ENTPD1: variants seen among roughly 807,000 people sequenced by gnomAD.
ENTPD1 encodes ectonucleoside triphosphate diphosphohydrolase 1, also known as ATP diphosphohydrolase.
ENTPD1 carries 33 observed loss-of-function variants against 57.0 expected under a neutral mutation model. That is an observed-to-expected ratio of 0.58 (90% confidence interval 0.44 to 0.77). The LOEUF is 0.77. Among genes scored for constraint, ENTPD1 ranks in the 30% least tolerant of loss-of-function variants. The pLI is 0.00. For synonymous variants in ENTPD1, 202 were observed against 218.8 expected (o/e 0.92, Z 0.68); for missense variants, 501 against 603.4 (o/e 0.83, Z 1.78).
chr10:95,835,987 G>C (rs1440585870), intron 2 of ENTPD1, among the ~76,000 whole-genome samples: 1 of 152,098 alleles, frequency 6.6e-6, no homozygotes, highest in Non-Finnish European at 1.5e-5. Flanking sequence ...ATTCTACCTT[G>C]AGTTAATTTT....
At chr10:95,719,408 A>G (rs1039185440) in intron 1 of ENTPD1, among the ~76,000 whole-genome samples, 2 of 152,198 alleles carry the variant, frequency 1.3e-5, no homozygotes, top group South Asian at 2.1e-4. Context: ...ATTAGTGTAT[A>G]TAATAGCCTG....
upstream of ENTPD1, among the ~76,000 whole-genome samples, chr10:95,708,041 A>G (rs1325418744): frequency 6.6e-6 from 1 of 152,240 alleles, no homozygotes; most frequent in Admixed American, 6.5e-5. Flanking sequence ...CAACAATGAA[A>G]AAGTTTGATG....
At chr10:95,715,044 T>C (rs542216506) in intron 1 of ENTPD1, among the ~76,000 whole-genome samples, 24 of 152,348 alleles carry the variant, frequency 1.6e-4, no homozygotes, top group South Asian at 4.1e-4. Flanking sequence ...GGAAACATTA[T>C]AGTTTATAAA....
intron 1 of ENTPD1, among the ~76,000 whole-genome samples, chr10:95,728,940 AT>A (rs1191735910): frequency 6.6e-6 from 1 of 152,162 alleles, no homozygotes; most frequent in Non-Finnish European, 1.5e-5. Flanking sequence ...AGTTACATAT[AT>A]TTTATGTTAG....
chr10:95,766,398 A>C (rs1219179930), intron 1 of ENTPD1, among the ~76,000 whole-genome samples: 1 of 152,142 alleles, frequency 6.6e-6, no homozygotes, highest in Non-Finnish European at 1.5e-5. Flanking sequence ...TTTTAACCTC[A>C]ATTACGCTCA....
intron 7 of ENTPD1, among the ~76,000 whole-genome samples, chr10:95,856,806 TATC>T (rs985557752): frequency 1.3e-5 from 2 of 150,454 alleles, no homozygotes; most frequent in African/African-American, 4.9e-5. Context: ...ATTTGTCTAG[TATC>T]ATCATATTTA....
chr10:95,800,453 T>C (rs1192488421), intron 1 of ENTPD1, among the ~76,000 whole-genome samples: 1 of 152,140 alleles, frequency 6.6e-6, no homozygotes, highest in Non-Finnish European at 1.5e-5. Context: ...TTGATAAACA[T>C]CTTAACAGGA....
Position 95,868,491 on chromosome 10 carries a change from C to T in ENTPD1, c.*2108C>T. 19 of 985,410 alleles carry T rather than the reference C, an allele frequency of 1.9e-5. No individual in the cohort carries two copies. Among genetic ancestry groups the T allele is most frequent in the Non-Finnish European group, 2.3e-5 (19 of 829,938 alleles). 61.0% of individuals were successfully genotyped at this position (985,410 alleles called of 1,614,324 possible). ...GTTTGCTCACAGCATAGTAGATTGA[C>T]ATCAAATAGTGGCCGATGATGATGA... On this transcript the variant is annotated 3_prime_UTR_variant, in exon 10 of 10. Transcript: ENST00000371205.
intron 1 of ENTPD1, among the ~76,000 whole-genome samples, chr10:95,738,765 C>G (rs2097997236): frequency 6.6e-6 from 1 of 151,948 alleles, no homozygotes; most frequent in Admixed American, 6.6e-5. Context: ...TCACAACAGC[C>G]AAAGAAGATT....
chr10:95,772,100 C>G (rs1294286809), intron 1 of ENTPD1, among the ~76,000 whole-genome samples: 1 of 152,092 alleles, frequency 6.6e-6, no homozygotes, highest in East Asian at 1.9e-4. Flanking sequence ...TACTTTATTG[C>G]TAAAAAAATG....
rs1456989243 is a variant in ENTPD1, at chr10:95,791,999, T to C, written c.17-31238T>C. On this transcript the variant is annotated intron_variant, in intron 1 of 9. Transcript: ENST00000371205. The surrounding 1 kb of genome is among the most constrained non-coding windows in gnomAD (Gnocchi z 4.1). ...AACTCAGGGGAGTAAAGAGAATTGC[T>C]TAAGAGAGACTAAAAGTGCCAGAGT... Among the ~76,000 whole-genome samples the C allele has an allele frequency of 6.6e-6, 1 of 151,996 alleles. No individual in the cohort carries two copies. Among genetic ancestry groups the C allele is most frequent in the East Asian group, 1.9e-4 (1 of 5,186 alleles).
chr10:95,803,890 G>A (rs2098261294), intron 1 of ENTPD1, among the ~76,000 whole-genome samples: 1 of 152,158 alleles, frequency 6.6e-6, no homozygotes. Context: ...TAAGGTGTAA[G>A]GAAGGGATCC....
chr10:95,851,000 C>G (rs927785940), intron 7 of ENTPD1, among the ~76,000 whole-genome samples: 1 of 152,204 alleles, frequency 6.6e-6, no homozygotes, highest in African/African-American at 2.4e-5. Context: ...TCTGGCTACA[C>G]TGTAGCCTTG....
chr10:95,797,747 G>A (rs1472533644), intron 1 of ENTPD1, among the ~76,000 whole-genome samples: 1 of 152,162 alleles, frequency 6.6e-6, no homozygotes. Flanking sequence ...CTATGGAGAG[G>A]ACACCATGCC....
chr10:95,867,690 T>C lies in ENTPD1; in HGVS notation c.*1307T>C, dbSNP rs2098475980. ...ACCCTGCACCCCTTTCCTTAAGGAT[T>C]GCTGCAAGAGTTACCTGTTGAGCAG... On this transcript the variant is annotated 3_prime_UTR_variant, in exon 10 of 10. Transcript: ENST00000371205. The C allele has an allele frequency of 2.0e-6, 2 of 985,360 alleles. No individual in the cohort carries two copies. The highest frequency in any genetic ancestry group is 3.5e-5 in the African/African-American group (2 of 57,246). 61.0% of individuals were successfully genotyped at this position (985,360 alleles called of 1,614,324 possible). A position where few individuals can be genotyped will look rare whatever the true frequency, so the allele number is the denominator to read the frequency against.
chr10:95,854,448 T>C (rs935378126), intron 7 of ENTPD1, among the ~76,000 whole-genome samples: 7 of 152,240 alleles, frequency 4.6e-5, no homozygotes, highest in African/African-American at 1.7e-4. Flanking sequence ...TCTGCTGTGA[T>C]CTTAGTTATT....
At chr10:95,802,981 C>T (rs2098256544) in intron 1 of ENTPD1, among the ~76,000 whole-genome samples, 1 of 152,122 alleles carries the variant, frequency 6.6e-6, no homozygotes, top group South Asian at 2.1e-4. Context: ...AGTTTGAGGT[C>T]AGATAGCATG....
intron 1 of ENTPD1, among the ~76,000 whole-genome samples, chr10:95,805,602 T>C (rs1296498575): frequency 6.6e-6 from 1 of 152,210 alleles, no homozygotes; most frequent in Non-Finnish European, 1.5e-5. Flanking sequence ...TCTTTACAAT[T>C]TGGCATGTTT....
In ENTPD1 at chr10:95,860,557, AG is replaced by A. The variant is rs1253866038; in HGVS notation, c.1164del (p.Lys388AsnfsTer10). 6.2e-7 allele frequency: 1 copy of A among 1,613,806 alleles called. No homozygotes were observed. The highest frequency in any genetic ancestry group is 1.7e-5 in the Admixed American group (1 of 60,018). ...GAAAAGGTGACTGAGATGATGAAAA[AG>A]TTCTGTGCTCAGCCTTGGGAGGAGG... ...SQEKVTEMMKKFCAQPWEEIK... is the reference protein window; with the variant it reads ...SQEKVTEMMKXFCAQPWEEIK... On this transcript the variant is annotated frameshift_variant, in exon 8 of 10. Transcript: ENST00000371205. LOFTEE classifies it high-confidence loss of function.
Sources: allele counts gnomAD v4.1 joint callset (sites outside exome capture counted in the v4.1 genomes callset), GRCh38; gene constraint gnomAD v4.1.1; non-coding constraint Gnocchi (gnomAD v3.1); transcripts MANE v1.5; gene names NCBI Gene and HGNC (gene_info 2026-07-23, HGNC 2026-07-21).